Variants in NID1 observed in about 807,000 individuals in gnomAD.
NID1 encodes nidogen-1.
A neutral mutation model predicts 130.6 loss-of-function variants in NID1; 76 were observed. That is an observed-to-expected ratio of 0.58 (90% CI 0.48 to 0.70). The LOEUF is 0.70. NID1 is among the 30% of genes least tolerant of loss of function. The pLI, the probability that NID1 is intolerant of heterozygous loss-of-function variation, is 0.00. For missense variants in NID1, 1,517 were observed against 1,664.8 expected, an observed-to-expected ratio of 0.91 and a Z score of 1.54; for synonymous variants, 665 against 675.1, an observed-to-expected ratio of 0.98 and a Z score of 0.23.
At chr1:236,015,550 G>C (rs1422081331) in intron 10 of NID1, among the ~76,000 whole-genome samples, 1 of 151,076 alleles carries the variant, frequency 6.6e-6, no homozygotes. Context: ...GGGAGACTGA[G>C]GCAGGAGAAT....
Position 236,025,926 on chromosome 1 carries a change from C to T in NID1, c.1954G>A (p.Ala652Thr). Reference protein sequence around the residue: ...YNQEEKILRYALSNSIGPVRE... With the variant: ...YNQEEKILRYTLSNSIGPVRE... ...ACAGGCCCAATGGAGTTGCTGAGAG[C>T]ATAGCGCAAGATCTTCTCCTCCTGG... Residue 652 changes from alanine to threonine, a missense_variant, in exon 8 of 20, where the codon GCT becomes ACT. Physicochemically the swap from Ala to Thr is moderately conservative, Grantham distance 58. Transcript: ENST00000264187. The T allele has an allele frequency of 6.2e-7, 1 of 1,614,004 alleles. No individual in the cohort carries two copies. Among genetic ancestry groups the T allele is most frequent in the Non-Finnish European group, 8.5e-7 (1 of 1,180,010 alleles).
intron 1 of NID1, among the ~76,000 whole-genome samples, chr1:236,057,549 C>G (rs1349826341): frequency 6.6e-6 from 1 of 151,568 alleles, no homozygotes; most frequent in African/African-American, 2.4e-5. Flanking sequence ...GGCCAACATG[C>G]TGAAACTCTG....
chr1:235,978,947 C>T, intron 19 of NID1, 48 bp downstream of exon 19: 1 of 1,305,502 alleles, frequency 7.7e-7, no homozygotes, highest in Non-Finnish European at 1.1e-6. Context: ...GGGCTCTGAG[C>T]CTCCATGTGC....
chr1:235,984,334 C>G (rs1643914129), intron 15 of NID1, among the ~76,000 whole-genome samples: 1 of 152,136 alleles, frequency 6.6e-6, no homozygotes, highest in Non-Finnish European at 1.5e-5. Flanking sequence ...GGGTCTATGT[C>G]CAAAGCCAGA....
At chr1:236,063,407 G>A (rs1660096276) in intron 1 of NID1, among the ~76,000 whole-genome samples, 1 of 151,490 alleles carries the variant, frequency 6.6e-6, no homozygotes, top group African/African-American at 2.4e-5. Context: ...AGGAGGTGGA[G>A]GTTGCAGTGA....
At chr1:236,056,906 AAAC>A (rs1659913267) in intron 1 of NID1, among the ~76,000 whole-genome samples, 4 of 152,280 alleles carry the variant, frequency 2.6e-5, no homozygotes, top group African/African-American at 9.6e-5. Context: ...AAAAAAACAA[AAAC>A]ATGAAGCGTA....
At chr1:236,052,499 C>A (rs1201069642) in intron 1 of NID1, among the ~76,000 whole-genome samples, 2 of 152,188 alleles carry the variant, frequency 1.3e-5, no homozygotes, top group Non-Finnish European at 2.9e-5. Context: ...GGTCCTGGTT[C>A]CTTCCTCTTT....
At chr1:236,057,799 C>T (rs1009235428) in intron 1 of NID1, among the ~76,000 whole-genome samples, 3 of 151,998 alleles carry the variant, frequency 2.0e-5, no homozygotes, top group Non-Finnish European at 4.4e-5. Context: ...AGAAAACCTC[C>T]TCAAAAAACC....
Position 236,023,412 on chromosome 1 carries a change from T to C in NID1, c.2128+658A>G, listed in dbSNP as rs1290787415. Among the ~76,000 whole-genome samples the C allele has an allele frequency of 2.0e-5, 3 of 152,094 alleles. No homozygotes were observed. The South Asian group carries it at 6.2e-4, about 31-fold the overall frequency. ...ATATGCAATCGTTAGAATAATCAAA[T>C]GCATAGAGACAGAAAGTGGAATGGT... On this transcript the variant is annotated intron_variant, in intron 9 of 19. Coordinates refer to ENST00000264187, the MANE Select transcript of NID1 (RefSeq NM_002508.3).
intron 8 of NID1, among the ~76,000 whole-genome samples, chr1:236,024,569 T>C (rs1213899880): frequency 6.6e-6 from 1 of 152,230 alleles, no homozygotes; most frequent in Non-Finnish European, 1.5e-5. Flanking sequence ...TGACTCCTGA[T>C]GCCTGGAGCC....
At position 236,053,954 on chromosome 1, in the gene NID1, A is replaced by G. The variant is rs140512627; in HGVS notation, c.226-4965T>C. On this transcript the variant is annotated intron_variant, in intron 1 of 19. Coordinates refer to ENST00000264187, the MANE Select transcript of NID1 (RefSeq NM_002508.3). ...AAAATAAAATAAATAAAAAGTGCATAACTTGAATTCAGTCATGTCTCCAGA... is the reference window on the plus strand; with the variant it reads ...AAAATAAAATAAATAAAAAGTGCATGACTTGAATTCAGTCATGTCTCCAGA... Among the ~76,000 whole-genome samples, 9 of 152,352 alleles carry G rather than the reference A, an allele frequency of 5.9e-5. No homozygotes were observed. The East Asian group carries it at 1.7e-3, about 29-fold the overall frequency.
chr1:235,991,369 G>A (rs1448905661), intron 13 of NID1, among the ~76,000 whole-genome samples: 1 of 152,134 alleles, frequency 6.6e-6, no homozygotes, highest in Non-Finnish European at 1.5e-5. Flanking sequence ...GTCTTGCTCT[G>A]TCACCCAGGC....
intron 1 of NID1, among the ~76,000 whole-genome samples, chr1:236,064,062 C>G (rs1460632606): frequency 1.3e-5 from 2 of 152,204 alleles, no homozygotes; most frequent in African/African-American, 4.8e-5. Context: ...GCCAACCCCC[C>G]ACACTTCTGG....
At position 236,019,929 on chromosome 1, in the gene NID1, C is replaced by T. The variant is rs564689290; in HGVS notation, c.2129-2656G>A. Among the ~76,000 whole-genome samples, 15 of 150,670 alleles carry T rather than the reference C, an allele frequency of 1.0e-4. No individual in the cohort carries two copies. The South Asian group carries it at 2.3e-3, about 23-fold the overall frequency. The stretch of plus-strand genomic sequence containing the variant: ...GCATGTGCCTGTAATTCCGGCAATC[C>T]GGGAGGCTGAGGCAGGAGAATTGCT... On this transcript the variant is annotated intron_variant, in intron 9 of 19. Coordinates refer to ENST00000264187, the MANE Select transcript of NID1 (RefSeq NM_002508.3).
chr1:236,036,757 G>T (rs1659273715), intron 5 of NID1, among the ~76,000 whole-genome samples: 1 of 152,192 alleles, frequency 6.6e-6, no homozygotes, highest in Admixed American at 6.5e-5. Context: ...TACAGGAAGA[G>T]GAAGAGAGAC....
chr1:236,040,814 C>A (rs1321801873), intron 4 of NID1, among the ~76,000 whole-genome samples: 1 of 151,774 alleles, frequency 6.6e-6, no homozygotes, highest in Non-Finnish European at 1.5e-5. Context: ...CAGATGCCTG[C>A]CACCACGCCT....
chr1:236,042,916 C>T (rs1205234332), intron 3 of NID1, among the ~76,000 whole-genome samples: 3 of 152,190 alleles, frequency 2.0e-5, no homozygotes, highest in Non-Finnish European at 4.4e-5. Context: ...TTCCCCACTG[C>T]CTCCAGGGAG....
chr1:235,989,933 G>C (rs1657681948), intron 14 of NID1, among the ~76,000 whole-genome samples: 1 of 152,200 alleles, frequency 6.6e-6, no homozygotes, highest in South Asian at 2.1e-4. Flanking sequence ...GGGTGGGAGA[G>C]GGAGCCAGAG....
At chr1:236,039,404 C>T (rs1367922755) in intron 4 of NID1, among the ~76,000 whole-genome samples, 1 of 151,248 alleles carries the variant, frequency 6.6e-6, no homozygotes, top group Non-Finnish European at 1.5e-5. Context: ...TTTAAATCAC[C>T]TCCCACCCCA....
Sources: gnomAD v4.1 joint callset for allele counts (sites outside exome capture counted in the v4.1 genomes callset) on GRCh38, gnomAD v4.1.1 for gene constraint, MANE v1.5 for transcripts, NCBI Gene and HGNC (gene_info 2026-07-23, HGNC 2026-07-21) for gene names.